The following ROCK1 variants were observed in gnomAD, a reference collection of about 807,000 sequenced individuals.
ROCK1 encodes the protein Rho associated coiled-coil containing protein kinase 1, also known as rho-associated protein kinase 1.
Under a neutral mutation model 196.8 loss-of-function variants are expected in ROCK1, and 36 were observed. That is an observed-to-expected ratio of 0.18 (90% CI 0.14 to 0.24). The LOEUF (loss-of-function observed/expected upper bound fraction) is 0.24, where lower values mean the gene tolerates loss of function less well. Ranked by LOEUF, ROCK1 falls within the 10% of genes least tolerant of loss-of-function variation. The pLI is 1.00. For synonymous variants in ROCK1, 443 were observed against 515.9 expected, an observed-to-expected ratio of 0.86 and a Z score of 1.91; for missense variants, 920 against 1,562.0, an observed-to-expected ratio of 0.59 and a Z score of 6.93.
At chr18:21,028,719 ATATTTC>A in intron 10 of ROCK1, 51 bp downstream of exon 10, 1 of 1,438,008 alleles carries the variant, frequency 7.0e-7, no homozygotes, top group Non-Finnish European at 9.4e-7. Flanking sequence ...TGATTTTTAG[ATATTTC>A]TAAGAACAAA....
intron 16 of ROCK1, among the ~76,000 whole-genome samples, chr18:21,004,631 A>C (rs2035753467): frequency 6.6e-6 from 1 of 152,228 alleles, no homozygotes; most frequent in African/African-American, 2.4e-5. Flanking sequence ...AAGGAGCTTA[A>C]AGCTCAGTCA....
intron 16 of ROCK1, among the ~76,000 whole-genome samples, chr18:20,999,183 G>A (rs1302111724): frequency 6.6e-6 from 1 of 151,942 alleles, no homozygotes; most frequent in Non-Finnish European, 1.5e-5. Flanking sequence ...ACCATTTGCT[G>A]AAATATCATT....
At chr18:21,000,024 T>C (rs1461957767) in intron 16 of ROCK1, among the ~76,000 whole-genome samples, 1 of 152,192 alleles carries the variant, frequency 6.6e-6, no homozygotes, top group East Asian at 1.9e-4. Flanking sequence ...TTTGCAGAAA[T>C]AGAAAAGCCA....
chr18:21,045,122 A>G (rs867177748), intron 5 of ROCK1, 170 bp downstream of exon 5: 14 of 482,046 alleles, frequency 2.9e-5, no homozygotes, highest in Middle Eastern at 5.5e-4. Context: ...CGGCCTCCCA[A>G]AGCTCTGGGA....
At chr18:21,001,636 ATG>A (rs2035725387) in intron 16 of ROCK1, among the ~76,000 whole-genome samples, 1 of 151,956 alleles carries the variant, frequency 6.6e-6, no homozygotes, top group African/African-American at 2.4e-5. Context: ...ATGGTGGCGC[ATG>A]CCTGTAGTCC....
intron 13 of ROCK1, among the ~76,000 whole-genome samples, chr18:21,013,239 C>A (rs1375113833): frequency 6.6e-6 from 1 of 152,208 alleles, no homozygotes; most frequent in Non-Finnish European, 1.5e-5. Context: ...TTTAGAAGGT[C>A]TCCTCTGACA....
At chr18:21,025,752 T>G (rs143418491) in intron 10 of ROCK1, among the ~76,000 whole-genome samples, 2 of 152,160 alleles carry the variant, frequency 1.3e-5, no homozygotes, top group Admixed American at 1.3e-4. Flanking sequence ...TATATATATA[T>G]TTTGTTGGTT....
chr18:21,018,235 A>G (rs2143458675), intron 12 of ROCK1, among the ~76,000 whole-genome samples: 1 of 152,142 alleles, frequency 6.6e-6, no homozygotes. Flanking sequence ...AATTTTGTTT[A>G]AAAATTTTTT....
intron 16 of ROCK1, among the ~76,000 whole-genome samples, chr18:20,997,574 G>A (rs1598522115): frequency 1.3e-5 from 2 of 152,120 alleles, no homozygotes; most frequent in South Asian, 4.1e-4. Flanking sequence ...GCACTGGACA[G>A]ATCACCTAGA....
intron 14 of ROCK1, among the ~76,000 whole-genome samples, chr18:21,007,348 C>T (rs1422970071): frequency 2.6e-5 from 4 of 151,994 alleles, no homozygotes; most frequent in Non-Finnish European, 4.4e-5. Context: ...GTTTTATAAC[C>T]GTATTTAAGG....
chr18:21,080,323 G>A (rs1346537403), intron 1 of ROCK1, among the ~76,000 whole-genome samples: 5 of 152,142 alleles, frequency 3.3e-5, no homozygotes, highest in Admixed American at 6.5e-5. Flanking sequence ...CCAGACATTG[G>A]ACTTGATAAA....
intron 2 of ROCK1, among the ~76,000 whole-genome samples, chr18:21,061,706 G>A (rs1434612640): frequency 6.6e-6 from 1 of 152,206 alleles, no homozygotes; most frequent in Non-Finnish European, 1.5e-5. Flanking sequence ...CCTCATTGAA[G>A]GTGGTGAGGG....
intron 1 of ROCK1, among the ~76,000 whole-genome samples, chr18:21,091,407 A>T (rs542215938): frequency 2.4e-4 from 37 of 152,120 alleles, no homozygotes; most frequent in African/African-American, 8.7e-4. Context: ...GTTCAAGACC[A>T]GCCTGGCCAA....
chr18:21,050,972 G>C (rs550461304), intron 2 of ROCK1, among the ~76,000 whole-genome samples: 1 of 152,106 alleles, frequency 6.6e-6, no homozygotes, highest in South Asian at 2.1e-4. Flanking sequence ...AAATAAAACA[G>C]AAACAATGAA....
chr18:20,949,735 C>A lies in ROCK1; in HGVS notation c.*1649G>T, dbSNP rs1328119969. 1.6e-4 allele frequency: 25 copies of A among 152,512 alleles called. No individual in the cohort carries two copies. The highest frequency in any genetic ancestry group is 1.8e-4 in the Non-Finnish European group (12 of 68,030). 9.4% of individuals were successfully genotyped at this position (152,512 alleles called of 1,614,324 possible). ...CCCACTCTTGTTTTAGAGCCCAAGA[C>A]CACGTTTTATCTTTTAAAAATACAC... On this transcript the variant is annotated 3_prime_UTR_variant, in exon 33 of 33. Transcript: ENST00000399799.
At chr18:20,965,838 T>C (rs762440752) in intron 27 of ROCK1, among the ~76,000 whole-genome samples, 44 of 152,250 alleles carry the variant, frequency 2.9e-4, no homozygotes, top group Admixed American at 5.2e-4. Flanking sequence ...GATTTTGACC[T>C]AGCAAAGCCA....
At chr18:20,992,128 C>T (rs1396453937) in intron 17 of ROCK1, among the ~76,000 whole-genome samples, 1 of 152,106 alleles carries the variant, frequency 6.6e-6, no homozygotes, top group Non-Finnish European at 1.5e-5. Context: ...TTTGGGTACC[C>T]TTTTCTACTC....
chr18:20,992,328 T>C (rs2035633487), intron 17 of ROCK1, among the ~76,000 whole-genome samples: 1 of 152,240 alleles, frequency 6.6e-6, no homozygotes, highest in South Asian at 2.1e-4. Context: ...ATATCATCTA[T>C]TTAACTCTTA....
At chr18:21,009,824 T>C (rs1006759138) in intron 13 of ROCK1, among the ~76,000 whole-genome samples, 9 of 152,222 alleles carry the variant, frequency 5.9e-5, no homozygotes, top group African/African-American at 1.9e-4. Context: ...CCTCTTTTCA[T>C]AGGTTTATTT....
Sources: gnomAD v4.1 joint callset for allele counts (sites outside exome capture counted in the v4.1 genomes callset) on GRCh38, gnomAD v4.1.1 for gene constraint, MANE v1.5 for transcripts, NCBI Gene and HGNC (gene_info 2026-07-23, HGNC 2026-07-21) for gene names.